KCTD16: variants seen among roughly 807,000 people sequenced by gnomAD.
KCTD16 encodes BTB/POZ domain-containing protein KCTD16.
A neutral mutation model predicts 33.2 loss-of-function variants in KCTD16; 13 were observed. That is an observed-to-expected ratio of 0.39 (90% CI 0.25 to 0.62). The LOEUF is 0.62. Ranked by LOEUF, KCTD16 falls within the 20% of genes least tolerant of loss-of-function variation. The pLI, the probability that KCTD16 is intolerant of heterozygous loss-of-function variation, is 0.50. For synonymous variants in KCTD16, 197 were observed against 195.3 expected, an observed-to-expected ratio of 1.01 and a Z score of -0.07; for missense variants, 441 against 525.1, an observed-to-expected ratio of 0.84 and a Z score of 1.57.
intron 3 of KCTD16, among the ~76,000 whole-genome samples, chr5:144,264,905 A>G (rs1755102568): frequency 6.6e-6 from 1 of 152,262 alleles, no homozygotes; most frequent in Admixed American, 6.5e-5. Flanking sequence ...TTTAAGGCAC[A>G]TGTTTACTAA....
At chr5:144,237,214 G>T (rs888630245) in intron 3 of KCTD16, among the ~76,000 whole-genome samples, 3 of 152,070 alleles carry the variant, frequency 2.0e-5, no homozygotes, top group African/African-American at 7.2e-5. Flanking sequence ...AACCTATGGT[G>T]AATATGAAGC....
At chr5:144,309,184 C>T (rs928132556) in intron 3 of KCTD16, among the ~76,000 whole-genome samples, 1 of 152,150 alleles carries the variant, frequency 6.6e-6, no homozygotes, top group Non-Finnish European at 1.5e-5. Context: ...TCAGTACTTT[C>T]TCCTTTGTTA....
intron 3 of KCTD16, among the ~76,000 whole-genome samples, chr5:144,355,235 A>T (rs1751546071): frequency 6.6e-6 from 1 of 152,188 alleles, no homozygotes; most frequent in Non-Finnish European, 1.5e-5. Flanking sequence ...AGATTTAGTT[A>T]TCAAGTTAGC....
intron 3 of KCTD16, among the ~76,000 whole-genome samples, chr5:144,218,511 ATAT>A: frequency 6.6e-6 from 1 of 152,272 alleles, no homozygotes; most frequent in Admixed American, 6.5e-5. Flanking sequence ...TGTGCAAATG[ATAT>A]TATTAATAGT....
At chr5:144,280,719 T>C (rs867793011) in intron 3 of KCTD16, among the ~76,000 whole-genome samples, 2 of 152,162 alleles carry the variant, frequency 1.3e-5, no homozygotes, top group Non-Finnish European at 2.9e-5. Flanking sequence ...GGTCAGGAGA[T>C]CGAGACCATC....
chr5:144,406,077 T>G (rs771542358), intron 3 of KCTD16, among the ~76,000 whole-genome samples: 23 of 152,162 alleles, frequency 1.5e-4, no homozygotes, highest in Non-Finnish European at 3.2e-4. Context: ...AGAAGGCTAT[T>G]TGTATTAGCA....
intron 3 of KCTD16, among the ~76,000 whole-genome samples, chr5:144,296,357 AT>A (rs1756035429): frequency 6.6e-6 from 1 of 152,238 alleles, no homozygotes; most frequent in African/African-American, 2.4e-5. Flanking sequence ...GAATTGAAAG[AT>A]TATGTAAGAA....
At chr5:144,405,174 A>T (rs1273231813) in intron 3 of KCTD16, among the ~76,000 whole-genome samples, 1 of 152,266 alleles carries the variant, frequency 6.6e-6, no homozygotes, top group Admixed American at 6.5e-5. Context: ...CCAAAGGCTA[A>T]GCTTTAAATC....
At chr5:144,233,593 A>G (rs1475799386) in intron 3 of KCTD16, among the ~76,000 whole-genome samples, 1 of 152,154 alleles carries the variant, frequency 6.6e-6, no homozygotes, top group African/African-American at 2.4e-5. Context: ...GTTTAGTGAT[A>G]ATGACTTTAA....
chr5:144,205,764 C>T (rs1753150735), intron 2 of KCTD16: 1 of 393,664 alleles, frequency 2.5e-6, no homozygotes, highest in Non-Finnish European at 4.5e-6. Context: ...CTCATCAGGG[C>T]TTAACTTTTT....
chr5:144,280,651 G>A (rs1462983831), intron 3 of KCTD16, among the ~76,000 whole-genome samples: 5 of 152,144 alleles, frequency 3.3e-5, no homozygotes, highest in Admixed American at 6.5e-5. Flanking sequence ...CCGGCTGGGC[G>A]CAGTGGCTCA....
intron 3 of KCTD16, among the ~76,000 whole-genome samples, chr5:144,368,077 A>G (rs75862357): frequency 0.027 from 4,049 of 152,194 alleles, 85 homozygotes; most frequent in African/African-American, 0.044. Flanking sequence ...CTCAGCAGTC[A>G]GCGTAAGTAA....
chr5:144,179,918 G>T (rs1256504084), intron 2 of KCTD16, among the ~76,000 whole-genome samples: 1 of 152,188 alleles, frequency 6.6e-6, no homozygotes, highest in African/African-American at 2.4e-5. Context: ...GTCTGTCTAT[G>T]GTTTTTTAAG....
chr5:144,430,529 A>C (rs1221469833), intron 3 of KCTD16, among the ~76,000 whole-genome samples: 1 of 152,138 alleles, frequency 6.6e-6, no homozygotes, highest in East Asian at 1.9e-4. Context: ...CAAGTTCCTC[A>C]TTGCTAAAAT....
chr5:144,480,534 A>G lies in KCTD16; in HGVS notation c.*6420A>G, dbSNP rs1754684836. 6.6e-6 allele frequency: 1 copy of G among 151,984 alleles called. No homozygotes were observed. The highest frequency in any genetic ancestry group is 1.5e-5 in the Non-Finnish European group (1 of 67,952). 9.4% of individuals were successfully genotyped at this position (151,984 alleles called of 1,614,324 possible). A position where few individuals can be genotyped will look rare whatever the true frequency, so the allele number is the denominator to read the frequency against. ...GCAGCCAGTGATCAGTGGTTTATCT[A>G]TACCCTTTAGGTGAGAGACAGAGAG... On this transcript the variant is annotated 3_prime_UTR_variant, in exon 4 of 4. Transcript: ENST00000512467.
At chr5:144,278,350 C>T (rs556942967) in intron 3 of KCTD16, among the ~76,000 whole-genome samples, 7 of 151,922 alleles carry the variant, frequency 4.6e-5, no homozygotes, top group Admixed American at 4.6e-4. Context: ...TTGTCCTATT[C>T]ATATATATAA....
chr5:144,264,134 T>G (rs913165467), intron 3 of KCTD16, among the ~76,000 whole-genome samples: 1 of 152,220 alleles, frequency 6.6e-6, no homozygotes, highest in Admixed American at 6.5e-5. Context: ...GGGGTCCCCA[T>G]GTCTTTTGAA....
chr5:144,443,930 C>A (rs1753764992), intron 3 of KCTD16, among the ~76,000 whole-genome samples: 1 of 152,084 alleles, frequency 6.6e-6, no homozygotes, highest in African/African-American at 2.4e-5. Context: ...CCCTCAAGCA[C>A]TTATCCTTAG....
intron 2 of KCTD16, among the ~76,000 whole-genome samples, chr5:144,205,010 A>G (rs1224908079): frequency 6.6e-6 from 1 of 150,514 alleles, no homozygotes; most frequent in Non-Finnish European, 1.5e-5. Context: ...GGGAGGGGGG[A>G]AGATCTGTAG....
Sources: gnomAD v4.1 joint callset for allele counts (sites outside exome capture counted in the v4.1 genomes callset) on GRCh38, gnomAD v4.1.1 for gene constraint, MANE v1.5 for transcripts, NCBI Gene and HGNC (gene_info 2026-07-23, HGNC 2026-07-21) for gene names.